Variants in MAGI2 observed in about 807,000 individuals in gnomAD.
MAGI2 encodes the protein membrane-associated guanylate kinase, WW and PDZ domain-containing protein 2.
A neutral mutation model predicts 133.3 loss-of-function variants in MAGI2; 35 were observed. That is an observed-to-expected ratio of 0.26 (90% CI 0.20 to 0.35). MAGI2 has a LOEUF of 0.35. Among genes scored for constraint, MAGI2 ranks in the 10% least tolerant of loss-of-function variants. The probability of loss-of-function intolerance (pLI) is 1.00; values close to 1 mark genes in which losing one functional copy is unlikely to be tolerated. For missense variants in MAGI2, 1,636 were observed against 1,863.4 expected (o/e 0.88, Z 2.25); for synonymous variants, 729 against 710.6 (o/e 1.03, Z -0.41).
intron 3 of MAGI2, among the ~76,000 whole-genome samples, chr7:78,538,349 C>A (rs1798133569): frequency 6.6e-6 from 1 of 152,104 alleles, no homozygotes; most frequent in Admixed American, 6.6e-5. Flanking sequence ...GTTGTCTTTT[C>A]TAGTTCTGTG....
intron 6 of MAGI2, among the ~76,000 whole-genome samples, chr7:78,480,777 A>G (rs1437941011): frequency 6.6e-6 from 1 of 151,986 alleles, no homozygotes; most frequent in Admixed American, 6.6e-5. Context: ...TATTCTAACA[A>G]CAAACATACA....
intron 1 of MAGI2, among the ~76,000 whole-genome samples, chr7:79,047,040 T>A (rs1358269856): frequency 2.0e-5 from 3 of 152,172 alleles, no homozygotes; most frequent in Admixed American, 6.5e-5. Flanking sequence ...TATATTTTTT[T>A]AAAAAGCAGA....
rs560893749 is a variant in MAGI2 at position 79,096,834 on chromosome 7, G to A, written c.302-89628C>T. Among the ~76,000 whole-genome samples, 14 of 152,222 alleles carry A rather than the reference G, an allele frequency of 9.2e-5. No homozygotes were observed. In the South Asian group the frequency reaches 1.9e-3, roughly 20 times the overall value. ...TACACTAGCAACCAAAATTGCTTTA[G>A]AATTCCCTGACAGCCAGAAACTCCA... On this transcript the variant is annotated intron_variant, in intron 1 of 21. Transcript: ENST00000354212.
chr7:79,250,395 TA>T (rs1833158174), intron 1 of MAGI2, among the ~76,000 whole-genome samples: 1 of 142,360 alleles, frequency 7.0e-6, no homozygotes, highest in South Asian at 2.2e-4. Context: ...ACAAATTCAG[TA>T]AAGTTGCAGG....
chr7:78,360,383 G>A (rs1476328262), intron 7 of MAGI2, among the ~76,000 whole-genome samples: 1 of 152,182 alleles, frequency 6.6e-6, no homozygotes, highest in Non-Finnish European at 1.5e-5. Flanking sequence ...GGAAATGTTA[G>A]GGTAATTTTG....
At chr7:79,124,959 C>A in intron 1 of MAGI2, 1 of 280,358 alleles carries the variant, frequency 3.6e-6, no homozygotes, top group South Asian at 4.0e-5. Context: ...AATTAAAAGC[C>A]ACGAAAGGTG....
At chr7:78,695,138 T>C (rs372024889) in intron 2 of MAGI2, among the ~76,000 whole-genome samples, 22 of 152,056 alleles carry the variant, frequency 1.4e-4, no homozygotes, top group African/African-American at 4.1e-4. Context: ...GGCAGGAGAA[T>C]TGCTTGAACC....
chr7:78,109,324 AAAAAAAAAAAG>A (rs1819092836), intron 20 of MAGI2, among the ~76,000 whole-genome samples: 10 of 135,030 alleles, frequency 7.4e-5, no homozygotes, highest in African/African-American at 2.7e-4. Flanking sequence ...AAAAAAAAAA[AAAAAAAAAAAG>A]AAAAAAGAAA....
intron 1 of MAGI2, among the ~76,000 whole-genome samples, chr7:79,217,268 C>T (rs1412732887): frequency 1.3e-5 from 2 of 151,238 alleles, no homozygotes; most frequent in African/African-American, 2.5e-5. Flanking sequence ...TAATAGCAAC[C>T]TCAGTGAATG....
chr7:78,570,607 C>CT (rs1184544359), intron 3 of MAGI2, among the ~76,000 whole-genome samples: 5 of 151,792 alleles, frequency 3.3e-5, no homozygotes, highest in Non-Finnish European at 2.9e-5. Context: ...TGATAAAAAC[C>CT]TTTTTTTTCC....
intron 2 of MAGI2, among the ~76,000 whole-genome samples, chr7:78,945,872 T>C (rs1048371623): frequency 1.3e-5 from 2 of 152,204 alleles, no homozygotes; most frequent in African/African-American, 4.8e-5. Flanking sequence ...TTCGGGATCT[T>C]CCTCATCTGT....
chr7:78,335,391 T>G (rs1789655580), intron 9 of MAGI2, among the ~76,000 whole-genome samples: 1 of 152,188 alleles, frequency 6.6e-6, no homozygotes, highest in Non-Finnish European at 1.5e-5. Context: ...GAGAACAGAT[T>G]AGACTTTCTT....
chr7:78,071,735 G>C (rs1366158134), intron 21 of MAGI2, among the ~76,000 whole-genome samples: 1 of 152,080 alleles, frequency 6.6e-6, no homozygotes, highest in Non-Finnish European at 1.5e-5. Context: ...CCCTTCCCTA[G>C]GTGCTTTATC....
intron 1 of MAGI2, among the ~76,000 whole-genome samples, chr7:79,163,900 A>G (rs141435200): frequency 8.8e-4 from 134 of 152,216 alleles, no homozygotes; most frequent in African/African-American, 3.1e-3. Flanking sequence ...ATAGCTCACA[A>G]AATACATCTG....
chr7:79,212,077 C>T lies in MAGI2; in HGVS notation c.302-204871G>A, dbSNP rs148465683. 3.4e-3 allele frequency among the ~76,000 whole-genome samples: 524 copies of T among 152,194 alleles called. 2 individuals carry two copies. The highest frequency in any genetic ancestry group is 3.9e-3 in the Non-Finnish European group (262 of 68,022). On this transcript the variant is annotated intron_variant, in intron 1 of 21. Coordinates refer to ENST00000354212, the MANE Select transcript of MAGI2 (RefSeq NM_012301.4). ...CATTGTATTTTCTTGATTATTATTA[C>T]AGAAAAACCACATATGTATCCATAT...
At chr7:78,618,342 A>T (rs1305336865) in intron 3 of MAGI2, 1 of 152,120 alleles carries the variant, frequency 6.6e-6, no homozygotes, top group African/African-American at 2.4e-5. Context: ...AGATCCAGTG[A>T]ATATATTACA....
At chr7:79,165,649 C>G (rs1343149498) in intron 1 of MAGI2, among the ~76,000 whole-genome samples, 1 of 151,994 alleles carries the variant, frequency 6.6e-6, no homozygotes, top group East Asian at 1.9e-4. Flanking sequence ...TAATTAGCAC[C>G]CACAATTGCC....
intron 9 of MAGI2, among the ~76,000 whole-genome samples, chr7:78,294,675 A>T (rs939369646): frequency 6.6e-6 from 1 of 152,176 alleles, no homozygotes; most frequent in South Asian, 2.1e-4. Flanking sequence ...TCTATCAGCA[A>T]ATTCACCAAC....
intron 1 of MAGI2, among the ~76,000 whole-genome samples, chr7:79,278,929 G>C (rs1448415926): frequency 6.6e-6 from 1 of 152,112 alleles, no homozygotes; most frequent in Non-Finnish European, 1.5e-5. Flanking sequence ...GATAAACAGA[G>C]TAGGAAGAGA....
Sources: gnomAD v4.1 joint callset for allele counts (sites outside exome capture counted in the v4.1 genomes callset) on GRCh38, gnomAD v4.1.1 for gene constraint, MANE v1.5 for transcripts, NCBI Gene and HGNC (gene_info 2026-07-23, HGNC 2026-07-21) for gene names.